Variants in MTX2 observed in about 807,000 individuals in gnomAD.
MTX2 encodes the protein metaxin-2.
In MTX2, 35 loss-of-function variants were observed where a neutral mutation model predicts 42.3. The ratio of observed to expected loss-of-function variants is 0.83; its 90% CI spans 0.63 to 1.10. MTX2 has a LOEUF of 1.10. Ranked by LOEUF, MTX2 falls within the 50% of genes least tolerant of loss-of-function variation. The pLI is 0.00. For missense variants in MTX2, 307 were observed against 304.1 expected, an observed-to-expected ratio of 1.01 and a Z score of -0.07; for synonymous variants, 119 against 100.9, an observed-to-expected ratio of 1.18 and a Z score of -1.08.
intron 8 of MTX2, 84 bp downstream of exon 8, chr2:176,329,510 A>G (rs1402499697): frequency 1.8e-5 from 23 of 1,287,246 alleles, no homozygotes; most frequent in Admixed American, 1.3e-4. Context: ...CTTTAAAAAA[A>G]TATATATAAG....
chr2:176,313,981 GCTGA>G (rs764578231), intron 3 of MTX2, among the ~76,000 whole-genome samples: 9 of 151,998 alleles, frequency 5.9e-5, no homozygotes, highest in African/African-American at 1.2e-4. Context: ...AGCCACCAAG[GCTGA>G]CTATTTCCAT....
intron 1 of MTX2, among the ~76,000 whole-genome samples, chr2:176,287,340 A>C (rs971554254): frequency 6.6e-6 from 1 of 152,230 alleles, no homozygotes; most frequent in African/African-American, 2.4e-5. Flanking sequence ...TTTACTATAC[A>C]TATTTATATA....
In MTX2 at chr2:176,322,893, G is replaced by T. The variant is rs557500450; in HGVS notation, c.136-499G>T. ...ATTTAAGTCTTTAAAAAGTGAATTC[G>T]TGAGCACAGAAACTACATGTTGGAA... On this transcript the variant is annotated intron_variant, in intron 3 of 9. Transcript: ENST00000249442. Among the ~76,000 whole-genome samples the T allele has an allele frequency of 5.3e-5, 8 of 151,794 alleles. 1 individual carries two copies. Among genetic ancestry groups the T allele is most frequent in the African/African-American group, 1.9e-4 (8 of 41,396 alleles).
chr2:176,280,715 G>C (rs1054555864), intron 1 of MTX2, among the ~76,000 whole-genome samples: 3 of 152,198 alleles, frequency 2.0e-5, no homozygotes, highest in Non-Finnish European at 4.4e-5. Context: ...CATAGACTAA[G>C]CCAATCCACA....
At chr2:176,299,265 A>G (rs1683967415) in intron 3 of MTX2, among the ~76,000 whole-genome samples, 1 of 152,116 alleles carries the variant, frequency 6.6e-6, no homozygotes, top group Admixed American at 6.6e-5. Flanking sequence ...AGAATTATCC[A>G]GCCCCAAATG....
chr2:176,270,535 T>C, intron 1 of MTX2: 1 of 603,124 alleles, frequency 1.7e-6, no homozygotes, highest in Non-Finnish European at 2.6e-6. Flanking sequence ...ATGGAATTAG[T>C]CATAACTCCC....
At position 176,330,523 on chromosome 2, in the gene MTX2, G is replaced by A. The variant is rs569577162; in HGVS notation, c.544-61G>A. 333 of 1,213,326 alleles carry A rather than the reference G, an allele frequency of 2.7e-4. 3 individuals are homozygous for A. In the Middle Eastern group the frequency reaches 9.8e-3, roughly 36 times the overall value. The allele number at this position is 1,213,326 out of a possible 1,614,324, so 75.2% of individuals were successfully genotyped here. On this transcript the variant is annotated intron_variant, in intron 8 of 9. Transcript: ENST00000249442. The stretch of plus-strand genomic sequence containing the variant: ...AAACTGTGATACAAGTTACGTTTTA[G>A]ATACTTTTTATTGTTTTGCTAATTG...
At chr2:176,276,031 G>T (rs1010364687) in intron 1 of MTX2, among the ~76,000 whole-genome samples, 24 of 152,324 alleles carry the variant, frequency 1.6e-4, no homozygotes, top group African/African-American at 5.8e-4. Context: ...CAAATTAACT[G>T]CCTTTTTAAG....
intron 1 of MTX2, among the ~76,000 whole-genome samples, chr2:176,289,163 A>G (rs1469302069): frequency 1.6e-4 from 24 of 152,194 alleles, no homozygotes; most frequent in Admixed American, 1.5e-3. Flanking sequence ...TAACTTAAAG[A>G]TAATTAAAAT....
intron 1 of MTX2, among the ~76,000 whole-genome samples, chr2:176,296,045 G>A (rs1050034159): frequency 6.6e-5 from 10 of 152,156 alleles, no homozygotes; most frequent in Non-Finnish European, 1.3e-4. Flanking sequence ...TGTCAGTGGA[G>A]CCATTGCTTC....
chr2:176,277,024 T>G (rs1401103086), intron 1 of MTX2, among the ~76,000 whole-genome samples: 2 of 152,360 alleles, frequency 1.3e-5, no homozygotes, highest in East Asian at 3.9e-4. Flanking sequence ...ATTAATAACT[T>G]CATTTAAGCA....
At chr2:176,313,924 G>T (rs987118659) in intron 3 of MTX2, among the ~76,000 whole-genome samples, 5 of 152,016 alleles carry the variant, frequency 3.3e-5, no homozygotes, top group African/African-American at 9.7e-5. Flanking sequence ...AATAAAGGAT[G>T]GTAAGGACAG....
At chr2:176,283,018 T>C (rs1693118119) in intron 1 of MTX2, among the ~76,000 whole-genome samples, 1 of 152,120 alleles carries the variant, frequency 6.6e-6, no homozygotes, top group Non-Finnish European at 1.5e-5. Flanking sequence ...GTTTTATTCT[T>C]CCAATAACCC....
Position 176,328,857 on chromosome 2 carries a change from T to C in MTX2, c.379-17T>C, listed in dbSNP as rs772914722. On this transcript the variant is annotated splice_polypyrimidine_tract_variant and intron_variant, in intron 6 of 9. Transcript: ENST00000249442. ...CTTTGGTATTCTAAAGTTTAGTGAC[T>C]GTTCTTTTGTTCCTAGCTGTATCTT... 7 of 1,602,722 alleles carry C rather than the reference T, an allele frequency of 4.4e-6. No individual in the cohort carries two copies. The highest frequency in any genetic ancestry group is 5.1e-6 in the Non-Finnish European group (6 of 1,172,856).
chr2:176,289,612 T>G (rs1271826976), intron 1 of MTX2, among the ~76,000 whole-genome samples: 1 of 152,104 alleles, frequency 6.6e-6, no homozygotes, highest in African/African-American at 2.4e-5. Flanking sequence ...TGATAAAAAT[T>G]TATTGCATCT....
At chr2:176,305,440 C>T (rs13414530) in intron 3 of MTX2, among the ~76,000 whole-genome samples, 25,437 of 151,980 alleles carry the variant, frequency 0.17, 2,319 homozygotes, top group South Asian at 0.29. Flanking sequence ...TATTGGGTTA[C>T]AAGAATTGTT....
chr2:176,287,979 A>G (rs1459777982), intron 1 of MTX2, among the ~76,000 whole-genome samples: 3 of 144,854 alleles, frequency 2.1e-5, no homozygotes, highest in Non-Finnish European at 3.0e-5. Context: ...ATTTTCTTAC[A>G]TAAACACTGA....
chr2:176,334,485 G>T (rs1270562591), intron 9 of MTX2, among the ~76,000 whole-genome samples: 1 of 151,770 alleles, frequency 6.6e-6, no homozygotes, highest in East Asian at 1.9e-4. Flanking sequence ...TTGGTTTTTT[G>T]CAGGGATCTA....
intron 3 of MTX2, among the ~76,000 whole-genome samples, chr2:176,316,847 A>G (rs922802706): frequency 6.6e-6 from 1 of 152,138 alleles, no homozygotes; most frequent in African/African-American, 2.4e-5. Flanking sequence ...CCTTACACAT[A>G]TCTTGTATAA....
Sources: allele counts gnomAD v4.1 joint callset (sites outside exome capture counted in the v4.1 genomes callset), GRCh38; gene constraint gnomAD v4.1.1; transcripts MANE v1.5; gene names NCBI Gene and HGNC (gene_info 2026-07-23, HGNC 2026-07-21).